The following ERC1 variants were observed in gnomAD, a reference collection of about 807,000 sequenced individuals.
ERC1 encodes the protein ELKS/RAB6-interacting/CAST family member 1, also known as RAB6 interacting protein 2.
A neutral mutation model predicts 132.0 loss-of-function variants in ERC1; 56 were observed. That is an observed-to-expected ratio of 0.42 (90% CI 0.34 to 0.53). The LOEUF (loss-of-function observed/expected upper bound fraction) is 0.53. Among genes scored for constraint, ERC1 ranks in the 20% least tolerant of loss-of-function variants. The pLI, the probability that ERC1 is intolerant of heterozygous loss-of-function variation, is 0.03. For missense variants in ERC1, 1,202 were observed against 1,349.9 expected (o/e 0.89, Z 1.72); for synonymous variants, 478 against 476.1 (o/e 1.00, Z -0.05).
intron 15 of ERC1, among the ~76,000 whole-genome samples, chr12:1,316,380 CAT>C (rs2081725010): frequency 6.6e-6 from 1 of 152,140 alleles, no homozygotes; most frequent in Admixed American, 6.5e-5. Context: ...ATTACTGTCA[CAT>C]ATACCAGGCA....
chr12:1,045,181 C>G (rs537008250), intron 2 of ERC1, among the ~76,000 whole-genome samples: 11 of 152,132 alleles, frequency 7.2e-5, no homozygotes, highest in African/African-American at 2.4e-4. Flanking sequence ...CTGTACTGTG[C>G]TTTTTAAATT....
Position 1,410,006 on chromosome 12 carries a change from G to T in ERC1, c.3024+1759G>T, listed in dbSNP as rs542634862. Among the ~76,000 whole-genome samples the T allele has an allele frequency of 4.6e-5, 7 of 152,040 alleles. No homozygotes were observed. The South Asian group carries it at 1.2e-3, about 27-fold the overall frequency. Reference sequence around the variant, plus strand: ...TTACAGGTATGAGCCACCATACCTGGCCCCTCCCATATACTTTAAATCATC... The same window carrying T: ...TTACAGGTATGAGCCACCATACCTGTCCCCTCCCATATACTTTAAATCATC... On this transcript the variant is annotated intron_variant, in intron 17 of 18. Transcript: ENST00000360905.
At chr12:1,383,852 T>A (rs2089002339) in intron 16 of ERC1, among the ~76,000 whole-genome samples, 1 of 152,226 alleles carries the variant, frequency 6.6e-6, no homozygotes, top group Non-Finnish European at 1.5e-5. Context: ...CTGAGCCCTA[T>A]TTTGAGTTCT....
At chr12:1,247,026 G>A (rs1163964939) in intron 13 of ERC1, among the ~76,000 whole-genome samples, 1 of 152,100 alleles carries the variant, frequency 6.6e-6, no homozygotes, top group Non-Finnish European at 1.5e-5. Flanking sequence ...CTACTTGGGA[G>A]GCTGAAGAGG....
At chr12:1,444,984 A>T in intron 18 of ERC1, 2 of 406,172 alleles carry the variant, frequency 4.9e-6, no homozygotes, top group South Asian at 6.8e-5. Flanking sequence ...TAATTTTTAA[A>T]CTGATTTTTA....
At chr12:1,476,605 G>A (rs2093979695) in intron 18 of ERC1, among the ~76,000 whole-genome samples, 1 of 152,176 alleles carries the variant, frequency 6.6e-6, no homozygotes, top group Non-Finnish European at 1.5e-5. Context: ...TACTGGGAAG[G>A]TTGGGATTGG....
intron 15 of ERC1, among the ~76,000 whole-genome samples, chr12:1,301,388 C>A (rs947563489): frequency 6.6e-5 from 10 of 152,108 alleles, no homozygotes; most frequent in African/African-American, 2.2e-4. Flanking sequence ...CAGCACTGTT[C>A]TCAATAACAA....
At chr12:1,167,717 CTTTTT>C (rs755716154) in intron 8 of ERC1, among the ~76,000 whole-genome samples, 1 of 136,420 alleles carries the variant, frequency 7.3e-6, no homozygotes, top group Non-Finnish European at 1.6e-5. Context: ...TTTTTCTTTT[CTTTTT>C]TTTTTTTTTT....
In ERC1 at chr12:1,083,574, G is replaced by T; in HGVS notation, c.1080G>T (p.Leu360Phe). 2 of 1,588,994 alleles carry T rather than the reference G, an allele frequency of 1.3e-6. No individual in the cohort carries two copies. The highest frequency in any genetic ancestry group is 1.4e-5 in the African/African-American group (1 of 73,276). Residue 360 changes from leucine (L) to phenylalanine (F), a missense_variant, in exon 3 of 19, where the codon TTG becomes TTT. Transcript: ENST00000360905. ...LEQKEKENSM[L>F]REEMHRRFEN... ...AGAAGGAAAAAGAGAACAGTATGTT[G>T]AGAGAGGTATGTGACTACTTTTTTA...
intron 18 of ERC1, among the ~76,000 whole-genome samples, chr12:1,487,076 CT>C (rs2094230471): frequency 6.6e-6 from 1 of 152,246 alleles, no homozygotes; most frequent in Admixed American, 6.5e-5. Context: ...AGCAGCATTC[CT>C]GGGTTGTTTT....
chr12:1,022,124 C>G (rs1030103370), intron 1 of ERC1, among the ~76,000 whole-genome samples: 1 of 152,146 alleles, frequency 6.6e-6, no homozygotes, highest in Non-Finnish European at 1.5e-5. Context: ...GCTATGTTGT[C>G]CAGGCTGGTC....
At chr12:1,372,234 T>C (rs1591595312) in intron 16 of ERC1, among the ~76,000 whole-genome samples, 1 of 152,280 alleles carries the variant, frequency 6.6e-6, no homozygotes, top group East Asian at 1.9e-4. Context: ...CTTTGTACAA[T>C]GGATTGTAGA....
intron 8 of ERC1, chr12:1,152,035 C>T (rs1950884235): frequency 6.6e-6 from 1 of 152,122 alleles, no homozygotes; most frequent in Non-Finnish European, 1.5e-5. Context: ...CCTGTCTCTA[C>T]TGAAAATACA....
chr12:1,340,975 A>G (rs997882113), intron 15 of ERC1, among the ~76,000 whole-genome samples: 3 of 150,072 alleles, frequency 2.0e-5, no homozygotes, highest in East Asian at 2.0e-4. Flanking sequence ...AGTATATTCT[A>G]CCTTCTTCCA....
chr12:1,142,113 G>A (rs1949910078), intron 8 of ERC1, among the ~76,000 whole-genome samples: 1 of 152,004 alleles, frequency 6.6e-6, no homozygotes, highest in East Asian at 1.9e-4. Context: ...AATTGGTTTA[G>A]TACATGGACT....
At chr12:1,397,860 G>A (rs529141231) in intron 16 of ERC1, among the ~76,000 whole-genome samples, 6 of 151,794 alleles carry the variant, frequency 4.0e-5, no homozygotes, top group Non-Finnish European at 7.4e-5. Context: ...AAAACAAACA[G>A]AAACAAATGA....
intron 1 of ERC1, among the ~76,000 whole-genome samples, chr12:1,007,538 CTCTGTGTGTGTGTG>C (rs757310664): frequency 2.0e-3 from 108 of 53,366 alleles, no homozygotes; most frequent in East Asian, 0.011. Flanking sequence ...CTCTCTCTCT[CTCTGTGTGTGTGTG>C]TGTGTGTGTG....
intron 1 of ERC1, among the ~76,000 whole-genome samples, chr12:1,002,121 C>G (rs1374117447): frequency 7.4e-6 from 1 of 135,030 alleles, no homozygotes; most frequent in Non-Finnish European, 1.5e-5. Context: ...CTCAGCCTCT[C>G]AAAGTGCTGG....
chr12:1,404,828 G>A (rs969142161), intron 16 of ERC1, among the ~76,000 whole-genome samples: 8 of 152,038 alleles, frequency 5.3e-5, no homozygotes, highest in Non-Finnish European at 1.0e-4. Context: ...CAAATCAAAG[G>A]TTAAGTTTCA....
Sources: allele counts gnomAD v4.1 joint callset (sites outside exome capture counted in the v4.1 genomes callset), GRCh38; gene constraint gnomAD v4.1.1; transcripts MANE v1.5; gene names NCBI Gene and HGNC (gene_info 2026-07-23, HGNC 2026-07-21).